The following DGCR2 variants were observed in gnomAD, a reference collection of about 807,000 sequenced individuals.
The protein encoded by DGCR2 is DiGeorge syndrome critical region gene 2, also known as integral membrane protein DGCR2/IDD.
Under a neutral mutation model 51.6 loss-of-function variants are expected in DGCR2, and 24 were observed. The observed-to-expected ratio is 0.47, with a 90% CI of 0.34 to 0.65. The LOEUF is 0.65. Ranked by LOEUF, DGCR2 falls within the 30% of genes least tolerant of loss-of-function variation. DGCR2 has a pLI of 0.01. For synonymous variants in DGCR2, 340 were observed against 315.4 expected (o/e 1.08, Z -0.82); for missense variants, 765 against 772.1 (o/e 0.99, Z 0.11).
At chr22:19,106,312 T>C (rs773719586) in intron 1 of DGCR2, among the ~76,000 whole-genome samples, 7 of 152,192 alleles carry the variant, frequency 4.6e-5, no homozygotes, top group Non-Finnish European at 1.0e-4. Context: ...GGAGGTCCTC[T>C]GCAGAGATAA....
chr22:19,088,339 G>T (rs1349194218), intron 2 of DGCR2, among the ~76,000 whole-genome samples: 1 of 152,188 alleles, frequency 6.6e-6, no homozygotes, highest in African/African-American at 2.4e-5. Flanking sequence ...TATAAAATGA[G>T]GGACCACAGA....
intron 1 of DGCR2, among the ~76,000 whole-genome samples, chr22:19,110,511 G>A (rs750213865): frequency 5.3e-5 from 8 of 152,198 alleles, no homozygotes; most frequent in African/African-American, 1.4e-4. Flanking sequence ...TAATGCATGC[G>A]GGGCTTAAAA....
Position 19,053,463 on chromosome 22 carries a change from G to A in DGCR2, c.802+3523C>T, listed in dbSNP as rs546883249. Among the ~76,000 whole-genome samples, 10 of 152,180 alleles carry A rather than the reference G, an allele frequency of 6.6e-5. No homozygotes were observed. In the South Asian group the frequency reaches 1.0e-3, roughly 16 times the overall value. ...CCAGAACAACAATGCTGCTAAATAC[G>A]AAAGCCTGAGGTGCACTGAGGGCAA... On this transcript the variant is annotated intron_variant, in intron 6 of 9. Coordinates refer to ENST00000263196, the MANE Select transcript of DGCR2 (RefSeq NM_005137.3).
intron 1 of DGCR2, among the ~76,000 whole-genome samples, chr22:19,100,425 G>T (rs1422314040): frequency 1.3e-5 from 2 of 152,074 alleles, no homozygotes; most frequent in Non-Finnish European, 2.9e-5. Context: ...AACAATCCAT[G>T]CCCACAACAT....
At chr22:19,116,128 T>C (rs1225952694) in intron 1 of DGCR2, among the ~76,000 whole-genome samples, 1 of 152,224 alleles carries the variant, frequency 6.6e-6, no homozygotes, top group South Asian at 2.1e-4. Flanking sequence ...CTAGAGCCCA[T>C]GCTCTTAAGC....
intron 2 of DGCR2, 51 bp downstream of exon 2, chr22:19,089,317 C>A: frequency 6.6e-7 from 1 of 1,513,522 alleles, no homozygotes; most frequent in Non-Finnish European, 8.9e-7. Context: ...AGTCACCCAG[C>A]TACAACAAAG....
intron 1 of DGCR2, among the ~76,000 whole-genome samples, chr22:19,104,608 C>G (rs146812112): frequency 1.3e-5 from 2 of 152,168 alleles, no homozygotes; most frequent in African/African-American, 4.8e-5. Flanking sequence ...CTACTCACAG[C>G]CCACTAAGAT....
chr22:19,119,847 G>A (rs1343816886), intron 1 of DGCR2, among the ~76,000 whole-genome samples: 1 of 151,996 alleles, frequency 6.6e-6, no homozygotes, highest in African/African-American at 2.4e-5. Flanking sequence ...AGGAAGCCCA[G>A]GTGGCTTGGC....
At position 19,038,938 on chromosome 22, in the gene DGCR2, C is replaced by T. The variant is rs1009682244; in HGVS notation, c.1580G>A (p.Gly527Glu). The T allele has an allele frequency of 3.7e-6, 6 of 1,612,442 alleles. No individual in the cohort carries two copies. The African/African-American group carries it at 6.7e-5, about 18-fold the overall frequency. Residue 527 changes from glycine (G) to glutamate (E), a missense_variant, in exon 10 of 10, where the codon GGG becomes GAG. Coordinates refer to ENST00000263196, the MANE Select transcript of DGCR2 (RefSeq NM_005137.3). ...CAGTGCCTCTGCAGCTGGGGTGCTCCCGCTCTGGGCAGGGTCAGGGGGCAC... is the reference window on the plus strand; with the variant it reads ...CAGTGCCTCTGCAGCTGGGGTGCTCTCGCTCTGGGCAGGGTCAGGGGGCAC... ...LLVPPDPAQSGSTPAAEALPG... is the reference protein window; with the variant it reads ...LLVPPDPAQSESTPAAEALPG...
intron 1 of DGCR2, among the ~76,000 whole-genome samples, chr22:19,111,166 C>G (rs1229162608): frequency 3.9e-5 from 6 of 152,212 alleles, no homozygotes; most frequent in Non-Finnish European, 1.5e-5. Flanking sequence ...TGGAAACACA[C>G]AGGTAGATTT....
In DGCR2 at chr22:19,089,430, A is replaced by C. The variant is rs1272066253; in HGVS notation, c.140T>G (p.Leu47Arg). The C allele has an allele frequency of 2.5e-6, 4 of 1,609,320 alleles. No individual in the cohort carries two copies. In the African/African-American group the frequency reaches 4.0e-5, roughly 16 times the overall value. Residue 47 changes from leucine to arginine, a missense_variant, in exon 2 of 10, where the codon CTC (leucine) becomes CGC (arginine). By Grantham distance (102) the Leu-to-Arg change is moderately radical. Coordinates refer to ENST00000263196, the MANE Select transcript of DGCR2 (RefSeq NM_005137.3). Reference protein sequence around the residue: ...CRSGTIQCIPLPWQCDGWATC... With the variant: ...CRSGTIQCIPRPWQCDGWATC... ...CGCCCAGCCGTCACACTGCCAGGGG[A>C]GGGGGATGCACTGGATGGTGCCGCT...
intron 1 of DGCR2, among the ~76,000 whole-genome samples, chr22:19,100,454 A>G (rs547085536): frequency 6.6e-6 from 1 of 152,060 alleles, no homozygotes; most frequent in Admixed American, 6.6e-5. Flanking sequence ...CAGTACCAAC[A>G]TAAGGACAGC....
chr22:19,103,416 C>CTT (rs55877455), intron 1 of DGCR2, among the ~76,000 whole-genome samples: 720 of 67,674 alleles, frequency 0.011, 76 homozygotes, highest in Middle Eastern at 0.016. Flanking sequence ...AAAAAAAGTT[C>CTT]TTTTTTTTTT....
intron 2 of DGCR2, among the ~76,000 whole-genome samples, chr22:19,073,169 C>T (rs1230918136): frequency 1.3e-5 from 2 of 152,122 alleles, no homozygotes. Flanking sequence ...GAGGATGACA[C>T]AAGAGGACTG....
At chr22:19,108,327 T>G (rs1260947637) in intron 1 of DGCR2, among the ~76,000 whole-genome samples, 2 of 152,030 alleles carry the variant, frequency 1.3e-5, no homozygotes, top group African/African-American at 4.8e-5. Flanking sequence ...TCCCAACACT[T>G]TGGAAAGCTG....
chr22:19,062,678 G>C (rs767018615), intron 5 of DGCR2, among the ~76,000 whole-genome samples: 1 of 151,672 alleles, frequency 6.6e-6, no homozygotes, highest in Non-Finnish European at 1.5e-5. Flanking sequence ...TCCGAGCCCA[G>C]GGAATGTAAA....
intron 1 of DGCR2, among the ~76,000 whole-genome samples, chr22:19,115,292 C>G (rs1196512191): frequency 6.6e-6 from 1 of 152,242 alleles, no homozygotes; most frequent in Non-Finnish European, 1.5e-5. Context: ...GTCCCTCCCT[C>G]TGGGAGCCCC....
chr22:19,113,370 A>AAAAAAT (rs1295350053), intron 1 of DGCR2, among the ~76,000 whole-genome samples: 2 of 131,244 alleles, frequency 1.5e-5, no homozygotes, highest in Non-Finnish European at 3.1e-5. Context: ...CTCCGTCTCA[A>AAAAAAT]AAAAATAAAA....
In DGCR2 at chr22:19,101,621, G is replaced by A. The variant is rs374478351; in HGVS notation, c.80-12131C>T. Reference sequence around the variant, plus strand: ...CTGGGCGTGGTGGCGCACACCTGTAGTTCCAACTACTTGGGAGGCTGAGGC... The same window carrying A: ...CTGGGCGTGGTGGCGCACACCTGTAATTCCAACTACTTGGGAGGCTGAGGC... On this transcript the variant is annotated intron_variant, in intron 1 of 9. Coordinates refer to ENST00000263196, the MANE Select transcript of DGCR2 (RefSeq NM_005137.3). Among the ~76,000 whole-genome samples, 47 of 151,788 alleles carry A rather than the reference G, an allele frequency of 3.1e-4. 1 individual carries two copies. The South Asian group carries it at 9.3e-3, about 30-fold the overall frequency.
Sources: allele counts gnomAD v4.1 joint callset (sites outside exome capture counted in the v4.1 genomes callset), GRCh38; gene constraint gnomAD v4.1.1; transcripts MANE v1.5; gene names NCBI Gene and HGNC (gene_info 2026-07-23, HGNC 2026-07-21).